Variants in NRXN3 observed in about 807,000 individuals in gnomAD.
NRXN3 encodes neurexin 3.
In NRXN3, 32 loss-of-function variants were observed where a neutral mutation model predicts 137.6. The observed-to-expected ratio is 0.23, with a 90% CI of 0.18 to 0.31. The LOEUF (loss-of-function observed/expected upper bound fraction) is 0.31. NRXN3 is among the 10% of genes least tolerant of loss of function. The probability of loss-of-function intolerance (pLI) is 1.00; values close to 1 mark genes in which losing one functional copy is unlikely to be tolerated. For missense variants in NRXN3, 1,574 were observed against 2,062.5 expected, an observed-to-expected ratio of 0.76 and a Z score of 4.59; for synonymous variants, 798 against 784.5, an observed-to-expected ratio of 1.02 and a Z score of -0.29.
intron 16 of NRXN3, among the ~76,000 whole-genome samples, chr14:79,480,742 G>C (rs939910075): frequency 6.6e-6 from 1 of 152,044 alleles, no homozygotes; most frequent in African/African-American, 2.4e-5. Flanking sequence ...GTTTAGCACC[G>C]TCCCCCTAGT....
At chr14:79,425,729 G>C (rs2095646089) in intron 15 of NRXN3, among the ~76,000 whole-genome samples, 1 of 152,160 alleles carries the variant, frequency 6.6e-6, no homozygotes, top group Non-Finnish European at 1.5e-5. Flanking sequence ...AAAAGGCTTT[G>C]AGACCATATG....
At chr14:78,401,259 G>C (rs1395644526) in intron 4 of NRXN3, among the ~76,000 whole-genome samples, 1 of 152,138 alleles carries the variant, frequency 6.6e-6, no homozygotes, top group African/African-American at 2.4e-5. Flanking sequence ...CCGCCTCCTG[G>C]GTTCAAGTGA....
intron 19 of NRXN3, among the ~76,000 whole-genome samples, chr14:79,713,755 A>T (rs1202038294): frequency 3.0e-4 from 45 of 149,290 alleles, no homozygotes; most frequent in African/African-American, 1.1e-3. Flanking sequence ...TTTCAGTTTC[A>T]CCAATCATGT....
intron 10 of NRXN3, among the ~76,000 whole-genome samples, chr14:78,905,074 T>G (rs1188863802): frequency 6.6e-6 from 1 of 152,048 alleles, no homozygotes; most frequent in Non-Finnish European, 1.5e-5. Context: ...CAGTGTGGAT[T>G]GCATCTTGTG....
At chr14:78,765,261 C>A (rs138371236) in intron 8 of NRXN3, among the ~76,000 whole-genome samples, 4,684 of 152,202 alleles carry the variant, frequency 0.031, 227 homozygotes, top group African/African-American at 0.11. Context: ...TCAAGAAATT[C>A]TCCTGTGTCA....
rs555714312 is a variant in NRXN3 at position 79,479,614 on chromosome 14, G to A, written c.3444+12212G>A. On this transcript the variant is annotated intron_variant, in intron 16 of 20. Coordinates refer to ENST00000335750, the MANE Select transcript of NRXN3 (RefSeq NM_001330195.2). ...ATCCACAGTTAAGAATGATAAACAG[G>A]ACTAGAGAATGGAACACAGAATTTT... Among the ~76,000 whole-genome samples, 70 of 152,094 alleles carry A rather than the reference G, an allele frequency of 4.6e-4. 1 individual carries two copies. The highest frequency in any genetic ancestry group is 1.3e-4 in the Non-Finnish European group (9 of 67,972).
intron 4 of NRXN3, among the ~76,000 whole-genome samples, chr14:78,478,174 T>C (rs142364496): frequency 1.3e-5 from 2 of 152,264 alleles, no homozygotes; most frequent in East Asian, 1.9e-4. Flanking sequence ...AACAGAAGTA[T>C]GATGTCTGTC....
Position 78,733,512 on chromosome 14 carries a change from G to C in NRXN3, c.2044+18373G>C, listed in dbSNP as rs148875913. 2.2e-3 allele frequency among the ~76,000 whole-genome samples: 334 copies of C among 152,280 alleles called. 2 individuals are homozygous for C. Among genetic ancestry groups the C allele is most frequent in the Middle Eastern group, 0.02 (6 of 294 alleles). The stretch of plus-strand genomic sequence containing the variant: ...TGTACTAATGTCAAGGAATCAGTGA[G>C]TGCTAGAAAAGCCAATTCAGAGTGG... On this transcript the variant is annotated intron_variant, in intron 8 of 20. Transcript: ENST00000335750.
At chr14:79,389,851 A>T (rs2094781672) in intron 15 of NRXN3, among the ~76,000 whole-genome samples, 1 of 152,174 alleles carries the variant, frequency 6.6e-6, no homozygotes, top group South Asian at 2.1e-4. Context: ...GGTTTGAACA[A>T]TTCTGTGAAG....
intron 8 of NRXN3, among the ~76,000 whole-genome samples, chr14:78,786,336 A>T (rs1208920649): frequency 6.6e-6 from 1 of 152,184 alleles, no homozygotes; most frequent in Non-Finnish European, 1.5e-5. Context: ...AGGGTTGATG[A>T]ATTGATGTAT....
chr14:79,846,274 C>G (rs2099371707), intron 20 of NRXN3, among the ~76,000 whole-genome samples: 1 of 152,088 alleles, frequency 6.6e-6, no homozygotes, highest in African/African-American at 2.4e-5. Flanking sequence ...CAAGATATAC[C>G]TGTATTTGTT....
intron 4 of NRXN3, among the ~76,000 whole-genome samples, chr14:78,525,746 C>G (rs946948362): frequency 6.6e-6 from 1 of 152,178 alleles, no homozygotes; most frequent in Non-Finnish European, 1.5e-5. Context: ...GAGAGATTAA[C>G]TGGCAAAAAA....
At chr14:78,334,967 AAGGAAAC>A (rs2081284292) in intron 4 of NRXN3, among the ~76,000 whole-genome samples, 1 of 152,150 alleles carries the variant, frequency 6.6e-6, no homozygotes, top group Non-Finnish European at 1.5e-5. Flanking sequence ...GCTCTCCATG[AAGGAAAC>A]AGGAATGGGG....
Position 78,274,182 on chromosome 14 carries a change from C to T in NRXN3, c.710-4463C>T, listed in dbSNP as rs78928355. On this transcript the variant is annotated intron_variant, in intron 2 of 20. Coordinates refer to ENST00000335750, the MANE Select transcript of NRXN3 (RefSeq NM_001330195.2). ...TGAATGATGGGCCCTTTCTTTTCCT[C>T]CCAATGGTTATGTATTAGTCTGTTC... Among the ~76,000 whole-genome samples the T allele has an allele frequency of 1.6e-4, 24 of 152,296 alleles. No individual in the cohort carries two copies. The South Asian group carries it at 4.6e-3, about 29-fold the overall frequency.
At chr14:79,006,512 A>T (rs2099553260) in intron 15 of NRXN3, among the ~76,000 whole-genome samples, 1 of 152,200 alleles carries the variant, frequency 6.6e-6, no homozygotes, top group Non-Finnish European at 1.5e-5. Context: ...GCAAACATTT[A>T]AGAAATTTAC....
intron 4 of NRXN3, among the ~76,000 whole-genome samples, chr14:78,422,296 T>C (rs2093479376): frequency 6.6e-6 from 1 of 152,208 alleles, no homozygotes; most frequent in South Asian, 2.1e-4. Context: ...CTCTTATCAT[T>C]GTTGCAATTT....
intron 4 of NRXN3, among the ~76,000 whole-genome samples, chr14:78,534,069 G>C (rs570324186): frequency 6.6e-6 from 1 of 152,252 alleles, no homozygotes; most frequent in South Asian, 2.1e-4. Context: ...TGGGAGAAAT[G>C]GGCTGAAAAA....
chr14:78,730,852 C>G (rs933445216), intron 8 of NRXN3, among the ~76,000 whole-genome samples: 3 of 152,186 alleles, frequency 2.0e-5, no homozygotes, highest in African/African-American at 4.8e-5. Flanking sequence ...CAAAGGAGCC[C>G]CTCTCTGTCT....
In NRXN3 at chr14:79,320,132, A is replaced by T. The variant is rs571669641; in HGVS notation, c.3263-147089A>T. 4.4e-4 allele frequency among the ~76,000 whole-genome samples: 67 copies of T among 152,310 alleles called. 1 individual carries two copies. The Middle Eastern group carries it at 0.02, about 46-fold the overall frequency. The stretch of plus-strand genomic sequence containing the variant: ...CATGTCTTTGGCAAGTACACACAGG[A>T]TTGTGGTTTTGCCCAAGGTGTCTAA... On this transcript the variant is annotated intron_variant, in intron 15 of 20. Transcript: ENST00000335750.
Sources: gnomAD v4.1 joint callset for allele counts (sites outside exome capture counted in the v4.1 genomes callset) on GRCh38, gnomAD v4.1.1 for gene constraint, MANE v1.5 for transcripts, NCBI Gene and HGNC (gene_info 2026-07-23, HGNC 2026-07-21) for gene names.